The following RTL9 variants were observed in gnomAD, a reference collection of about 807,000 sequenced individuals.
RTL9 encodes the protein retrotransposon Gag like 9, also known as retrotransposon Gag-like protein 9.
In RTL9, 19 loss-of-function variants were observed where a neutral mutation model predicts 44.7. The ratio of observed to expected loss-of-function variants is 0.42; its 90% confidence interval spans 0.30 to 0.62. RTL9 has a LOEUF of 0.62. Ranked by LOEUF, RTL9 falls within the 20% of genes least tolerant of loss-of-function variation. The pLI is 0.16. For missense variants in RTL9, 1,105 were observed against 1,080.6 expected, an observed-to-expected ratio of 1.02 and a Z score of -0.32; for synonymous variants, 407 against 398.9, an observed-to-expected ratio of 1.02 and a Z score of -0.24.
intron 1 of RTL9, among the ~76,000 whole-genome samples, chrX:110,397,242 T>C (rs1279087195): frequency 2.7e-5 from 3 of 111,599 alleles, no homozygotes; most frequent in African/African-American, 9.8e-5. Flanking sequence ...ACTCCCCTGA[T>C]ATCCCACCCA....
intron 1 of RTL9, among the ~76,000 whole-genome samples, chrX:110,396,545 T>C (rs1029355708): frequency 8.9e-6 from 1 of 112,255 alleles, no homozygotes; most frequent in East Asian, 2.8e-4. Flanking sequence ...AGGAAGCATT[T>C]CTCAGGCATC....
intron 1 of RTL9, among the ~76,000 whole-genome samples, chrX:110,404,712 T>C (rs1273493584): frequency 9.0e-6 from 1 of 111,526 alleles, no homozygotes; most frequent in Non-Finnish European, 1.9e-5. Flanking sequence ...AAAGGCCATT[T>C]CTGACCACTT....
In RTL9 at chrX:110,452,166, G is replaced by A. The variant is rs746510968; in HGVS notation, c.1549G>A (p.Ala517Thr). Residue 517 changes from alanine to threonine, a missense_variant, in exon 1 of 2, where the codon GCA becomes ACA. Physicochemically the swap from Ala to Thr is moderately conservative, Grantham distance 58 (BLOSUM62 0). Transcript: ENST00000540313. Reference sequence around the variant, plus strand: ...AGCAATGTCCACCCAACCAGTTACGGCAACAGCCTCTGAAACAATGTCCAT... The same window carrying A: ...AGCAATGTCCACCCAACCAGTTACGACAACAGCCTCTGAAACAATGTCCAT... 5.8e-6 allele frequency: 7 copies of A among 1,210,218 alleles called. No individual in the cohort carries two copies. In the Middle Eastern group the frequency reaches 6.9e-4, roughly 119 times the overall value.
chrX:110,379,494 T>C (rs2068403425), intron 1 of RTL9, among the ~76,000 whole-genome samples: 1 of 112,050 alleles, frequency 8.9e-6, no homozygotes, highest in Non-Finnish European at 1.9e-5. Flanking sequence ...CATTTTTCTT[T>C]TCTGGATCCA....
intron 1 of RTL9, among the ~76,000 whole-genome samples, chrX:110,382,309 A>G (rs1263499650): frequency 9.1e-6 from 1 of 109,397 alleles, no homozygotes; most frequent in Admixed American, 9.7e-5. Context: ...CGAATAAGCA[A>G]CGTTCCAATT....
At chrX:110,362,559 T>A (rs943388321) in intron 1 of RTL9, among the ~76,000 whole-genome samples, 3 of 112,476 alleles carry the variant, frequency 2.7e-5, no homozygotes, top group Middle Eastern at 4.6e-3. Flanking sequence ...GTTACTCTTA[T>A]GATATGAGAT....
chrX:110,405,329 G>T (rs900798020), intron 1 of RTL9, among the ~76,000 whole-genome samples: 3 of 111,717 alleles, frequency 2.7e-5, no homozygotes, highest in African/African-American at 9.8e-5. Context: ...CCCAGAGAGG[G>T]CCTCAATGGC....
chrX:110,452,153 C>T, exon 1 of RTL9: 1 of 1,210,817 alleles, frequency 8.3e-7, no homozygotes. Context: ...CAATGTCCAC[C>T]CAACCAGTTA....
At chrX:110,387,494 G>C (rs2068463779) in intron 1 of RTL9, among the ~76,000 whole-genome samples, 1 of 112,423 alleles carries the variant, frequency 8.9e-6, no homozygotes, top group Non-Finnish European at 1.9e-5. Context: ...GCTTGCACAT[G>C]CAGAATTCAG....
chrX:110,441,666 A>T (rs2068880849), intron 1 of RTL9, among the ~76,000 whole-genome samples: 2 of 112,172 alleles, frequency 1.8e-5, no homozygotes, highest in African/African-American at 6.5e-5. Flanking sequence ...CAAACTCACT[A>T]ATATTTCTAA....
chrX:110,420,235 C>T (rs1012191019), intron 1 of RTL9, among the ~76,000 whole-genome samples: 7 of 112,319 alleles, frequency 6.2e-5, no homozygotes, highest in African/African-American at 2.3e-4. Context: ...CGAGGAGCTT[C>T]TCAAGTGCAG....
At chrX:110,433,651 G>C in intron 1 of RTL9, among the ~76,000 whole-genome samples, 1 of 112,007 alleles carries the variant, frequency 8.9e-6, no homozygotes, top group East Asian at 2.8e-4. Flanking sequence ...TCCAGGGATT[G>C]ACTCATCTAT....
intron 1 of RTL9, among the ~76,000 whole-genome samples, chrX:110,433,865 G>T (rs182058108): frequency 6.1e-4 from 69 of 112,266 alleles, no homozygotes; most frequent in African/African-American, 2.1e-3. Flanking sequence ...GAGGAAACCA[G>T]TATCTTATTT....
chrX:110,393,434 C>T (rs2068508253), intron 1 of RTL9, among the ~76,000 whole-genome samples: 1 of 111,905 alleles, frequency 8.9e-6, no homozygotes, highest in African/African-American at 3.3e-5. Flanking sequence ...CTATTATCTT[C>T]AGTTTACAAG....
chrX:110,417,082 G>A (rs1456787948), upstream of RTL9, among the ~76,000 whole-genome samples: 1 of 112,281 alleles, frequency 8.9e-6, no homozygotes, highest in Non-Finnish European at 1.9e-5. Context: ...TTCAAAGGCA[G>A]TCTGTTTGGG....
chrX:110,386,682 G>A (rs774430258), intron 1 of RTL9, among the ~76,000 whole-genome samples: 28 of 111,137 alleles, frequency 2.5e-4, no homozygotes, highest in African/African-American at 7.5e-4. Flanking sequence ...TTGTAAGTTC[G>A]CATATAATAA....
At chrX:110,441,038 G>A (rs1038778750) in intron 1 of RTL9, among the ~76,000 whole-genome samples, 1 of 111,920 alleles carries the variant, frequency 8.9e-6, no homozygotes, top group Non-Finnish European at 1.9e-5. Context: ...ATGTGGAAAG[G>A]TCAGCATATG....
At chrX:110,454,343 C>G (rs776350675) in exon 1 of RTL9, 1 of 1,212,060 alleles carries the variant, frequency 8.3e-7, no homozygotes, top group South Asian at 1.8e-5. Flanking sequence ...TTTGCCATCC[C>G]AAACAGGGCC....
intron 1 of RTL9, among the ~76,000 whole-genome samples, chrX:110,434,570 C>A (rs747721520): frequency 1.8e-5 from 2 of 111,444 alleles, no homozygotes; most frequent in Non-Finnish European, 3.8e-5. Flanking sequence ...GTGACAAGGA[C>A]CCTGAGGTTC....
Sources: gnomAD v4.1 joint callset for allele counts (sites outside exome capture counted in the v4.1 genomes callset) on GRCh38, gnomAD v4.1.1 for gene constraint, MANE v1.5 for transcripts, NCBI Gene and HGNC (gene_info 2026-07-23, HGNC 2026-07-21) for gene names.